ECPAS: variants seen among roughly 807,000 people sequenced by gnomAD.
ECPAS encodes the protein Ecm29 proteasome adaptor and scaffold.
Under a neutral mutation model 255.1 loss-of-function variants are expected in ECPAS, and 70 were observed. The ratio of observed to expected loss-of-function variants is 0.27; its 90% CI spans 0.23 to 0.33. The LOEUF (loss-of-function observed/expected upper bound fraction) is 0.33. Among genes scored for constraint, ECPAS ranks in the 10% least tolerant of loss-of-function variants. ECPAS has a pLI of 1.00. For synonymous variants in ECPAS, 784 were observed against 775.0 expected (o/e 1.01, Z -0.19); for missense variants, 1,817 against 2,206.4 (o/e 0.82, Z 3.54).
At chr9:111,419,095 G>A (rs930539240) in intron 16 of ECPAS, among the ~76,000 whole-genome samples, 10 of 152,096 alleles carry the variant, frequency 6.6e-5, no homozygotes, top group African/African-American at 2.4e-4. Flanking sequence ...CACACAGCTG[G>A]CCAACTAGAA....
At chr9:111,369,443 T>C (rs1228409505) in intron 45 of ECPAS, among the ~76,000 whole-genome samples, 1 of 152,160 alleles carries the variant, frequency 6.6e-6, no homozygotes, top group Non-Finnish European at 1.5e-5. Context: ...ATGAAAAGAC[T>C]TGCATTAGAA....
At chr9:111,378,472 G>A in intron 36 of ECPAS, 108 bp downstream of exon 36, 1 of 1,119,252 alleles carries the variant, frequency 8.9e-7, no homozygotes. Context: ...TGGTGACAGA[G>A]GGTGAGTTCT....
chr9:111,396,524 G>C (rs1261497826), intron 25 of ECPAS, among the ~76,000 whole-genome samples: 2 of 152,080 alleles, frequency 1.3e-5, no homozygotes, highest in Non-Finnish European at 2.9e-5. Flanking sequence ...CAAAGGGTCA[G>C]AAAAAGAAGT....
At position 111,416,223 on chromosome 9, in the gene ECPAS, C is replaced by G. The variant is rs761225613; in HGVS notation, c.1764+49G>C. 4.2e-6 allele frequency: 6 copies of G among 1,426,494 alleles called. No homozygotes were observed. In the Admixed American group the frequency reaches 8.5e-5, roughly 20 times the overall value. 88.4% of individuals were successfully genotyped at this position (1,426,494 alleles called of 1,614,324 possible). A position where few individuals can be genotyped will look rare whatever the true frequency, so the allele number is the denominator to read the frequency against. On this transcript the variant is annotated intron_variant, in intron 18 of 49. Transcript: ENST00000684092. ...GACCCCTCTTTGGGTGTGGTGTGAT[C>G]TTTTTAGAACACTTACAAAAAGTAA...
At chr9:111,395,876 T>C (rs1437703453) in intron 25 of ECPAS, among the ~76,000 whole-genome samples, 2 of 152,216 alleles carry the variant, frequency 1.3e-5, no homozygotes, top group South Asian at 2.1e-4. Flanking sequence ...CCTTGCTTCA[T>C]GTGTGTTCAA....
intron 1 of ECPAS, among the ~76,000 whole-genome samples, chr9:111,479,401 G>C (rs895731264): frequency 3.3e-5 from 5 of 151,210 alleles, no homozygotes; most frequent in African/African-American, 1.2e-4. Flanking sequence ...GTCGAGACCA[G>C]CCTGGCCAAC....
chr9:111,459,484 T>C (rs907650697), intron 2 of ECPAS, among the ~76,000 whole-genome samples: 1 of 152,126 alleles, frequency 6.6e-6, no homozygotes, highest in Non-Finnish European at 1.5e-5. Flanking sequence ...GAACACACAT[T>C]CCATCAGCTG....
intron 1 of ECPAS, chr9:111,483,617 G>A (rs1347241916): frequency 1.2e-5 from 4 of 327,066 alleles, no homozygotes; most frequent in Non-Finnish European, 1.7e-5. Context: ...CTCGCGGTGC[G>A]GCAGGGGCCG....
chr9:111,405,770 C>G (rs2098183070), intron 24 of ECPAS, among the ~76,000 whole-genome samples: 2 of 149,244 alleles, frequency 1.3e-5, no homozygotes, highest in South Asian at 4.2e-4. Flanking sequence ...TATAAATGGC[C>G]AATAGGTATA....
chr9:111,451,696 T>C (rs566368282), intron 2 of ECPAS, 141 bp from the exon 3 acceptor site: 2 of 716,046 alleles, frequency 2.8e-6, no homozygotes, highest in South Asian at 2.5e-5. Flanking sequence ...TACAGATATT[T>C]TGACACAGCA....
At chr9:111,422,337 A>C (rs930550744) in intron 13 of ECPAS, 137 bp from the exon 14 acceptor site, 9 of 775,190 alleles carry the variant, frequency 1.2e-5, no homozygotes, top group Non-Finnish European at 1.7e-5. Flanking sequence ...GAGAGCCAAA[A>C]ATTTTTCCAA....
intron 11 of ECPAS, 94 bp from the exon 12 acceptor site, chr9:111,425,590 G>T: frequency 1.9e-6 from 2 of 1,065,768 alleles, no homozygotes; most frequent in Non-Finnish European, 2.7e-6. Flanking sequence ...AGACATAACC[G>T]AAATAAGTTA....
chr9:111,378,922 A>G (rs1196907293), intron 35 of ECPAS, among the ~76,000 whole-genome samples, 192 bp from the exon 36 acceptor site: 1 of 152,252 alleles, frequency 6.6e-6, no homozygotes, highest in African/African-American at 2.4e-5. Context: ...GGTAGGTAGA[A>G]TGATAAATGA....
chr9:111,457,610 A>G (rs957825047), intron 2 of ECPAS, among the ~76,000 whole-genome samples: 15 of 152,320 alleles, frequency 9.8e-5, no homozygotes, highest in African/African-American at 3.1e-4. Context: ...TAGAAGGCAC[A>G]GTCTTCTTCT....
chr9:111,426,981 C>A (rs545340478), intron 10 of ECPAS, among the ~76,000 whole-genome samples: 3 of 151,982 alleles, frequency 2.0e-5, no homozygotes, highest in East Asian at 1.9e-4. Flanking sequence ...TCCAAAAAAA[C>A]CACAAAAAGA....
At chr9:111,425,168 T>C (rs1229560992) in intron 12 of ECPAS, among the ~76,000 whole-genome samples, 2 of 148,156 alleles carry the variant, frequency 1.3e-5, no homozygotes, top group East Asian at 2.0e-4. Context: ...CCTGGGCAAC[T>C]AGAGCAAAAC....
In ECPAS at chr9:111,459,534, T is replaced by C. The variant is rs1012222143; in HGVS notation, c.23-7979A>G. On this transcript the variant is annotated intron_variant, in intron 2 of 49. Transcript: ENST00000684092. ...ATTATTAGTAGAATCCCACCTAGAG[T>C]AGGAATCCTATGCTAGGTATGTTAA... Among the ~76,000 whole-genome samples, 62 of 151,566 alleles carry C rather than the reference T, an allele frequency of 4.1e-4. 1 individual carries two copies. The highest frequency in any genetic ancestry group is 1.5e-5 in the Non-Finnish European group (1 of 67,858).
At chr9:111,391,494 T>C (rs2098160088) in intron 29 of ECPAS, among the ~76,000 whole-genome samples, 1 of 151,216 alleles carries the variant, frequency 6.6e-6, no homozygotes, top group South Asian at 2.1e-4. Flanking sequence ...GGAGAATCTA[T>C]CGCTTGAACC....
chr9:111,470,941 T>C (rs1323734127), intron 2 of ECPAS, among the ~76,000 whole-genome samples: 1 of 152,102 alleles, frequency 6.6e-6, no homozygotes. Context: ...AGATACTCAG[T>C]TAGAAATCGG....
Sources: allele counts gnomAD v4.1 joint callset (sites outside exome capture counted in the v4.1 genomes callset), GRCh38; gene constraint gnomAD v4.1.1; transcripts MANE v1.5; gene names NCBI Gene and HGNC (gene_info 2026-07-23, HGNC 2026-07-21).